ERC1: variants seen among roughly 807,000 people sequenced by gnomAD.
The protein encoded by ERC1 is ELKS/RAB6-interacting/CAST family member 1.
A neutral mutation model predicts 132.0 loss-of-function variants in ERC1; 56 were observed. That is an observed-to-expected ratio of 0.42 (90% CI 0.34 to 0.53). The LOEUF is 0.53. ERC1 is among the 20% of genes least tolerant of loss of function. The probability of loss-of-function intolerance (pLI) is 0.03; values close to 1 mark genes in which losing one functional copy is unlikely to be tolerated. For synonymous variants in ERC1, 478 were observed against 476.1 expected (o/e 1.00, Z -0.05); for missense variants, 1,202 against 1,349.9 (o/e 0.89, Z 1.72).
intron 8 of ERC1, among the ~76,000 whole-genome samples, chr12:1,143,320 C>T (rs919246548): frequency 7.1e-6 from 1 of 139,876 alleles, no homozygotes; most frequent in Non-Finnish European, 1.5e-5. Context: ...CTCTGTTTGG[C>T]TTTTGACTCG....
intron 2 of ERC1, among the ~76,000 whole-genome samples, chr12:1,037,506 G>A (rs961615386): frequency 4.6e-5 from 7 of 152,152 alleles, no homozygotes; most frequent in Admixed American, 2.0e-4. Context: ...GCACTGTTAT[G>A]CCCAGAAGAG....
At chr12:1,043,511 A>AT (rs1440502578) in intron 2 of ERC1, among the ~76,000 whole-genome samples, 1 of 152,208 alleles carries the variant, frequency 6.6e-6, no homozygotes, top group African/African-American at 2.4e-5. Context: ...GGCTGTTAGA[A>AT]TAACTGGGGG....
At chr12:1,076,362 T>C (rs1207079576) in intron 2 of ERC1, among the ~76,000 whole-genome samples, 1 of 152,058 alleles carries the variant, frequency 6.6e-6, no homozygotes, top group Admixed American at 6.6e-5. Context: ...ATTACTTGTA[T>C]TGGTTGGTGT....
chr12:1,338,840 CTG>C (rs1255045287), intron 15 of ERC1, among the ~76,000 whole-genome samples: 2 of 152,148 alleles, frequency 1.3e-5, no homozygotes, highest in African/African-American at 4.8e-5. Context: ...ATCTTCTAGA[CTG>C]TGTGCTCTAA....
chr12:1,394,046 C>CAAA (rs1555389413), intron 16 of ERC1, among the ~76,000 whole-genome samples: 5,682 of 70,736 alleles, frequency 0.08, 436 homozygotes, highest in Middle Eastern at 0.18. Flanking sequence ...AAAAAAAAAC[C>CAAA]ACAAAGCATT....
At chr12:1,043,227 T>C (rs556763202) in intron 2 of ERC1, among the ~76,000 whole-genome samples, 1 of 152,086 alleles carries the variant, frequency 6.6e-6, no homozygotes, top group Non-Finnish European at 1.5e-5. Context: ...TATTTTTTAG[T>C]AGAGACAGGG....
intron 16 of ERC1, among the ~76,000 whole-genome samples, chr12:1,385,115 G>C (rs1487476324): frequency 6.6e-6 from 1 of 152,208 alleles, no homozygotes; most frequent in Non-Finnish European, 1.5e-5. Flanking sequence ...AGAGAAGCCT[G>C]GTTGGTTCTC....
chr12:1,414,221 C>G (rs2091994598), intron 17 of ERC1, among the ~76,000 whole-genome samples: 1 of 152,178 alleles, frequency 6.6e-6, no homozygotes, highest in East Asian at 1.9e-4. Context: ...GCTTAAAAAA[C>G]AAACATTTAT....
chr12:1,169,754 C>G (rs1435630868), intron 8 of ERC1, among the ~76,000 whole-genome samples: 2 of 152,076 alleles, frequency 1.3e-5, no homozygotes, highest in African/African-American at 4.8e-5. Flanking sequence ...ACCTTATATT[C>G]AAGTAGTTTT....
At chr12:1,475,967 TAA>T (rs371095522) in intron 18 of ERC1, among the ~76,000 whole-genome samples, 14 of 140,120 alleles carry the variant, frequency 1.0e-4, no homozygotes, top group Admixed American at 2.2e-4. Context: ...GTCATCTCTT[TAA>T]AAAAAAAAAA....
intron 14 of ERC1, among the ~76,000 whole-genome samples, chr12:1,287,756 C>T (rs189596886): frequency 1.1e-4 from 17 of 152,320 alleles, no homozygotes; most frequent in Admixed American, 3.9e-4. Flanking sequence ...GGAACTATGC[C>T]ACTGGCTTTC....
At chr12:1,024,200 G>T (rs939545569) in intron 1 of ERC1, among the ~76,000 whole-genome samples, 11 of 152,158 alleles carry the variant, frequency 7.2e-5, no homozygotes, top group African/African-American at 2.7e-4. Flanking sequence ...GGGCAACATG[G>T]TGAAACCCCA....
chr12:1,485,319 C>G (rs1049436411), intron 18 of ERC1, among the ~76,000 whole-genome samples: 1 of 149,456 alleles, frequency 6.7e-6, no homozygotes, highest in Non-Finnish European at 1.5e-5. Context: ...ATTCTTCTGC[C>G]TCAGCCACCC....
At position 1,096,355 on chromosome 12, in the gene ERC1, A is replaced by G. The variant is rs143717092; in HGVS notation, c.1087-8395A>G. Among the ~76,000 whole-genome samples, 41 of 152,360 alleles carry G rather than the reference A, an allele frequency of 2.7e-4. 3 individuals carry two copies. The East Asian group carries it at 7.9e-3, about 29-fold the overall frequency. On this transcript the variant is annotated intron_variant, in intron 3 of 18. Coordinates refer to ENST00000360905, the MANE Select transcript of ERC1 (RefSeq NM_178040.4). The stretch of plus-strand genomic sequence containing the variant: ...ATTTTTTAAAAAATGCAGTTTTAAT[A>G]TTTTCAAGTAGATACAGAAATACCA...
At chr12:1,276,957 A>G (rs1353112587) in intron 14 of ERC1, among the ~76,000 whole-genome samples, 1 of 152,246 alleles carries the variant, frequency 6.6e-6, no homozygotes, top group African/African-American at 2.4e-5. Flanking sequence ...TCATCTGAAC[A>G]GAAGAACTTA....
chr12:1,185,167 C>T (rs886237473), intron 11 of ERC1, among the ~76,000 whole-genome samples: 4 of 151,816 alleles, frequency 2.6e-5, no homozygotes, highest in African/African-American at 9.7e-5. Flanking sequence ...CCTCAGCCTC[C>T]CAAAGTGCTG....
At chr12:1,076,537 G>T (rs554420734) in intron 2 of ERC1, among the ~76,000 whole-genome samples, 2 of 152,078 alleles carry the variant, frequency 1.3e-5, no homozygotes, top group South Asian at 4.2e-4. Flanking sequence ...TGGGTTTACA[G>T]GCGCGCACCA....
At chr12:1,095,462 T>G (rs1943903226) in intron 3 of ERC1, among the ~76,000 whole-genome samples, 1 of 152,176 alleles carries the variant, frequency 6.6e-6, no homozygotes, top group Non-Finnish European at 1.5e-5. Flanking sequence ...CATTATTCTT[T>G]AGTTATTTAA....
At chr12:1,419,530 A>G (rs1420273954) in intron 17 of ERC1, among the ~76,000 whole-genome samples, 1 of 150,300 alleles carries the variant, frequency 6.7e-6, no homozygotes, top group Non-Finnish European at 1.5e-5. Flanking sequence ...GAAGAAAAAA[A>G]AAAGCTGACA....
Sources: allele counts gnomAD v4.1 joint callset (sites outside exome capture counted in the v4.1 genomes callset), GRCh38; gene constraint gnomAD v4.1.1; transcripts MANE v1.5; gene names NCBI Gene and HGNC (gene_info 2026-07-23, HGNC 2026-07-21).